RPS6KA6: variants seen among roughly 807,000 people sequenced by gnomAD.
RPS6KA6 encodes ribosomal protein S6 kinase alpha-6.
Under a neutral mutation model 65.4 loss-of-function variants are expected in RPS6KA6, and 27 were observed. That is an observed-to-expected ratio of 0.41 (90% CI 0.30 to 0.57). The LOEUF (loss-of-function observed/expected upper bound fraction) is 0.57. Ranked by LOEUF, RPS6KA6 falls within the 20% of genes least tolerant of loss-of-function variation. The pLI is 0.24. For synonymous variants in RPS6KA6, 190 were observed against 184.2 expected (o/e 1.03, Z -0.26); for missense variants, 486 against 555.6 (o/e 0.87, Z 1.26).
chrX:84,148,328 G>A (rs751338464), intron 3 of RPS6KA6, among the ~76,000 whole-genome samples: 1 of 109,771 alleles, frequency 9.1e-6, no homozygotes, highest in African/African-American at 3.3e-5. Context: ...TACATTATAC[G>A]TATTGAAACT....
chrX:84,139,199 T>A (rs1310678583), intron 6 of RPS6KA6, among the ~76,000 whole-genome samples: 2 of 112,202 alleles, frequency 1.8e-5, no homozygotes, highest in African/African-American at 6.5e-5. Flanking sequence ...TGTGCTAGTA[T>A]GGGTTTAGAT....
intron 20 of RPS6KA6, among the ~76,000 whole-genome samples, chrX:84,068,525 C>G (rs1053703780): frequency 9.0e-5 from 10 of 111,688 alleles, no homozygotes; most frequent in Non-Finnish European, 1.9e-4. Context: ...ACAAGGATGC[C>G]CTCTCTCACC....
chrX:84,071,689 A>G (rs771768491), intron 20 of RPS6KA6, among the ~76,000 whole-genome samples: 2 of 111,814 alleles, frequency 1.8e-5, no homozygotes, highest in South Asian at 7.5e-4. Context: ...CACAATTGAC[A>G]AACCTTTAAT....
At chrX:84,179,586 T>C (rs981662835) in intron 1 of RPS6KA6, among the ~76,000 whole-genome samples, 1 of 111,775 alleles carries the variant, frequency 8.9e-6, no homozygotes, top group African/African-American at 3.2e-5. Flanking sequence ...AGATATGAAG[T>C]TGCTGAATGA....
chrX:84,123,864 G>A (rs966499955), intron 8 of RPS6KA6, among the ~76,000 whole-genome samples: 3 of 111,200 alleles, frequency 2.7e-5, no homozygotes, highest in Non-Finnish European at 5.7e-5. Flanking sequence ...CCAGGTAGTA[G>A]TTATAGTGAG....
chrX:84,180,150 T>G (rs1348718537), intron 1 of RPS6KA6, among the ~76,000 whole-genome samples: 1 of 111,714 alleles, frequency 9.0e-6, no homozygotes, highest in Non-Finnish European at 1.9e-5. Context: ...TTAAGTAGAG[T>G]AATAAATCCC....
chrX:84,150,539 G>A (rs1394685050), intron 3 of RPS6KA6, among the ~76,000 whole-genome samples: 3 of 109,784 alleles, frequency 2.7e-5, no homozygotes, highest in African/African-American at 6.6e-5. Context: ...TATTCTTGCA[G>A]GTCAGGGAAT....
chrX:84,142,023 C>T (rs2035113030), intron 6 of RPS6KA6, among the ~76,000 whole-genome samples: 1 of 111,255 alleles, frequency 9.0e-6, no homozygotes, highest in South Asian at 3.7e-4. Flanking sequence ...CAACTTGATC[C>T]AGTCCACATT....
At chrX:84,116,758 AAATATCTATCT>A (rs2034576161) in intron 11 of RPS6KA6, among the ~76,000 whole-genome samples, 1 of 110,352 alleles carries the variant, frequency 9.1e-6, no homozygotes, top group Non-Finnish European at 1.9e-5. Flanking sequence ...GGGGGGGGCA[AAATATCTATCT>A]TCAAATATAT....
At chrX:84,112,750 T>C (rs2034491232) in intron 12 of RPS6KA6, among the ~76,000 whole-genome samples, 1 of 111,820 alleles carries the variant, frequency 8.9e-6, no homozygotes. Context: ...ATTGTCAAAC[T>C]ACACGAAAGT....
chrX:84,120,678 AG>A (rs1218228767), intron 8 of RPS6KA6, among the ~76,000 whole-genome samples: 3 of 111,699 alleles, frequency 2.7e-5, no homozygotes, highest in Non-Finnish European at 5.7e-5. Context: ...ATAAATGGGA[AG>A]TTATACCATG....
upstream of RPS6KA6, among the ~76,000 whole-genome samples, chrX:84,188,467 C>G (rs1161239474): frequency 1.8e-5 from 2 of 111,270 alleles, no homozygotes; most frequent in Non-Finnish European, 1.9e-5. Flanking sequence ...TAGTAAAAGC[C>G]CCTGCTAGCG....
chrX:84,166,487 A>G (rs942837755), intron 1 of RPS6KA6, among the ~76,000 whole-genome samples: 1 of 111,807 alleles, frequency 8.9e-6, no homozygotes, highest in Non-Finnish European at 1.9e-5. Context: ...TCAATAAAAG[A>G]ATGCAGGTGG....
rs187084283 is a variant in RPS6KA6, at chrX:84,074,579, T to C, written c.1972-9468A>G. Among the ~76,000 whole-genome samples the C allele has an allele frequency of 9.8e-5, 11 of 112,302 alleles. No homozygotes were observed. In the East Asian group the frequency reaches 3.1e-3, roughly 31 times the overall value. ...GTGATGGATAAGTTAATTATCCTGA[T>C]TTGAACATCATACAATATACACATG... is the stretch of plus-strand genomic sequence containing the variant. On this transcript the variant is annotated intron_variant, in intron 20 of 21. Transcript: ENST00000262752.
In RPS6KA6 at chrX:84,063,537, GTT is replaced by G. The variant is rs1219643514; in HGVS notation, c.*738_*739del. 9.0e-6 allele frequency: 1 copy of G among 110,682 alleles called. No individual in the cohort carries two copies. Among genetic ancestry groups the G allele is most frequent in the African/African-American group, 3.3e-5 (1 of 30,504 alleles). The allele number at this position is 110,682 out of a possible 1,213,427, so 9.1% of individuals were successfully genotyped here. On this transcript the variant is annotated 3_prime_UTR_variant, in exon 22 of 22. Coordinates refer to ENST00000262752, the MANE Select transcript of RPS6KA6 (RefSeq NM_014496.5). ...TATAAAGCCTTTGGAAAAAAAAAAAGTTTCACTTGTACTAAATTTCCATGATG... is the reference window on the plus strand; with the variant it reads ...TATAAAGCCTTTGGAAAAAAAAAAAGTCACTTGTACTAAATTTCCATGATG...
Position 84,106,463 on chromosome X carries a change from C to T in RPS6KA6, c.1267G>A (p.Gly423Ser). Residue 423 changes from glycine to serine, a missense_variant, in exon 15 of 22, where the codon GGT becomes AGT. Physicochemically the swap from Gly to Ser is moderately conservative, Grantham distance 56 (BLOSUM62 0). This residue lies in a region of RPS6KA6 where 345 missense variants were observed against 375.0 expected (regional missense o/e 0.92). Transcript: ENST00000262752. The part of the protein sequence containing the change: ...VQINGNAAQF[G>S]EVYELKEDIG... ...TCCTCCTTCAATTCATATACTTCACCAAATTGTGCAGCATTTCCATTTATC... is the reference window on the plus strand; with the variant it reads ...TCCTCCTTCAATTCATATACTTCACTAAATTGTGCAGCATTTCCATTTATC... 1 of 1,151,532 alleles carries T rather than the reference C, an allele frequency of 8.7e-7. No homozygotes were observed. Among genetic ancestry groups the T allele is most frequent in the Non-Finnish European group, 1.2e-6 (1 of 848,640 alleles). 94.9% of individuals were successfully genotyped at this position (1,151,532 alleles called of 1,213,427 possible). A position where few individuals can be genotyped will look rare whatever the true frequency, so the allele number is the denominator to read the frequency against.
chrX:84,179,727 A>C (rs1050985265), intron 1 of RPS6KA6, among the ~76,000 whole-genome samples: 2 of 111,799 alleles, frequency 1.8e-5, no homozygotes, highest in African/African-American at 6.5e-5. Flanking sequence ...CAGAAGGTCT[A>C]GAGTTACTCT....
chrX:84,078,711 T>A (rs1285632501), intron 20 of RPS6KA6, among the ~76,000 whole-genome samples: 2 of 111,793 alleles, frequency 1.8e-5, no homozygotes, highest in Non-Finnish European at 3.8e-5. Flanking sequence ...TATAAACATT[T>A]AAAAAAATAT....
intron 20 of RPS6KA6, among the ~76,000 whole-genome samples, chrX:84,065,501 T>C (rs1287690474): frequency 9.0e-6 from 1 of 111,254 alleles, no homozygotes; most frequent in Admixed American, 9.5e-5. Context: ...AGATAAAACA[T>C]AGAAGGGAGG....
Sources: gnomAD v4.1 joint callset for allele counts (sites outside exome capture counted in the v4.1 genomes callset) on GRCh38, gnomAD v4.1.1 for gene constraint, gnomAD v4.1.1 regional missense constraint, MANE v1.5 for transcripts, NCBI Gene and HGNC (gene_info 2026-07-23, HGNC 2026-07-21) for gene names.